MZF1: variants seen among roughly 807,000 people sequenced by gnomAD.
MZF1 encodes the protein myeloid zinc finger 1.
In MZF1, 24 loss-of-function variants were observed where a neutral mutation model predicts 28.6. That is an observed-to-expected ratio of 0.84 (90% CI 0.61 to 1.18). MZF1 has a LOEUF of 1.18. Ranked by LOEUF, MZF1 falls within the 50% of genes most tolerant of loss-of-function variation. MZF1 has a pLI of 0.00. For synonymous variants in MZF1, 516 were observed against 432.5 expected (o/e 1.19, Z -2.40); for missense variants, 1,166 against 1,026.4 (o/e 1.14, Z -1.86).
intron 5 of MZF1, among the ~76,000 whole-genome samples, chr19:58,565,678 G>A (rs916695929): frequency 1.3e-5 from 2 of 151,530 alleles, no homozygotes; most frequent in South Asian, 2.1e-4. Flanking sequence ...GACTACAGGC[G>A]CCCGCCACCA....
At chr19:58,569,688 G>C in intron 3 of MZF1, 102 bp from the exon 4 acceptor site, 1 of 1,074,150 alleles carries the variant, frequency 9.3e-7, no homozygotes, top group Non-Finnish European at 1.3e-6. Flanking sequence ...TGGGATTCTT[G>C]GTTGTGGGCT....
chr19:58,573,502 C>T (rs759664301), upstream of MZF1: 1 of 152,356 alleles, frequency 6.6e-6, no homozygotes, highest in Non-Finnish European at 1.5e-5. Context: ...CTTCCTAGAC[C>T]GCAAAATGGA....
rs2053968413 is a variant in MZF1, at chr19:58,563,139, C to T, written c.1138G>A (p.Gly380Ser). 6.2e-7 allele frequency: 1 copy of T among 1,609,026 alleles called. No individual in the cohort carries two copies. ...NLLRHQKIHT[G>S]ERPFVCSECG... The stretch of plus-strand genomic sequence containing the variant: ...TCGCTGCACACGAATGGTCGCTCAC[C>T]CGTGTGGATCTTCTGGTGCCTCAGC... The change falls in exon 6 of 6, where the codon GGT (glycine) becomes AGT (serine). Residue 380 changes from glycine (G) to serine (S), a missense_variant. By Grantham distance (56) the Gly-to-Ser change is moderately conservative. Coordinates refer to ENST00000215057, the MANE Select transcript of MZF1 (RefSeq NM_198055.2).
rs1385548824 is a variant in MZF1, at chr19:58,562,322, G to A, written c.1955C>T (p.Pro652Leu). ...CTGGCCGCACTCGGGGCAGGCGAAG[G>A]GCCGTTCGCCCGTGTGGATGCGCTG... ...EHQRIHTGER[P>L]FACPECGQSF... The change falls in exon 6 of 6, where the codon CCC becomes CTC. Residue 652 changes from proline (P) to leucine (L), a missense_variant. By Grantham distance (98) the Pro-to-Leu change is moderately conservative (BLOSUM62 -3). Coordinates refer to ENST00000215057, the MANE Select transcript of MZF1 (RefSeq NM_198055.2). 1 of 1,609,876 alleles carries A rather than the reference G, an allele frequency of 6.2e-7. No individual in the cohort carries two copies. The highest frequency in any genetic ancestry group is 1.3e-5 in the African/African-American group (1 of 74,746).
At chr19:58,567,571 C>G (rs1241519166) in intron 5 of MZF1, among the ~76,000 whole-genome samples, 3 of 152,200 alleles carry the variant, frequency 2.0e-5, no homozygotes, top group African/African-American at 7.2e-5. Flanking sequence ...ACGAAACATG[C>G]TTGGAGGAAG....
At chr19:58,564,487 G>T (rs185269744) in intron 5 of MZF1, 9 of 152,316 alleles carry the variant, frequency 5.9e-5, no homozygotes, top group African/African-American at 1.9e-4. Flanking sequence ...GACAGGAAAT[G>T]TAGCTAATGC....
intron 1 of MZF1, among the ~76,000 whole-genome samples, chr19:58,572,127 G>A (rs1049668600): frequency 2.0e-5 from 3 of 152,096 alleles, no homozygotes; most frequent in African/African-American, 7.2e-5. Flanking sequence ...CATCACTGCT[G>A]GCGTCTCCCC....
At position 58,573,121 on chromosome 19, in the gene MZF1, G is replaced by C. The variant is rs1193152015; in HGVS notation, c.-107C>G. ...AGTCTTCGACTTCCCCCTCCCGCTG[G>C]ACTACGTCTCCCAGGATGCTCCGCG... On this transcript the variant is annotated 5_prime_UTR_variant, in exon 1 of 6. Coordinates refer to ENST00000215057, the MANE Select transcript of MZF1 (RefSeq NM_198055.2). The C allele has an allele frequency of 6.5e-6, 1 of 154,632 alleles. No individual in the cohort carries two copies. The highest frequency in any genetic ancestry group is 2.4e-5 in the African/African-American group (1 of 41,420). The allele number at this position is 154,632 out of a possible 1,614,324, so 9.6% of individuals were successfully genotyped here. A position where few individuals can be genotyped will look rare whatever the true frequency, so the allele number is the denominator to read the frequency against.
Position 58,562,063 on chromosome 19 carries a change from C to T in MZF1, c.*9G>A. 6.4e-7 allele frequency: 1 copy of T among 1,551,000 alleles called. No individual in the cohort carries two copies. The highest frequency in any genetic ancestry group is 1.4e-5 in the African/African-American group (1 of 73,428). On this transcript the variant is annotated 3_prime_UTR_variant, in exon 6 of 6. Coordinates refer to ENST00000215057, the MANE Select transcript of MZF1 (RefSeq NM_198055.2). The stretch of plus-strand genomic sequence containing the variant: ...TGACCATGGCGGACACAGTGCGTCC[C>T]GGCTGGAGCTACTCGGCGCTGTGGA...
At chr19:58,564,902 G>GGTTTTTTTTTTTTTTTTTTTTTTTTTTT (rs1872485914) in intron 5 of MZF1, among the ~76,000 whole-genome samples, 1 of 41,954 alleles carries the variant, frequency 2.4e-5, no homozygotes. Flanking sequence ...CCATGTGTGT[G>GGTTTTTTTTTTTTTTTTTTTTTTTTTTT]TTTTTTTTTT....
intron 5 of MZF1, 117 bp from the exon 6 acceptor site, chr19:58,563,621 C>T (rs1476352846): frequency 3.7e-6 from 3 of 801,430 alleles, no homozygotes; most frequent in Admixed American, 2.9e-5. Flanking sequence ...AAGAGGCAGA[C>T]GGAGGCGACA....
In MZF1 at chr19:58,561,939, C is replaced by T. The variant is rs928443050; in HGVS notation, c.*133G>A. On this transcript the variant is annotated 3_prime_UTR_variant, in exon 6 of 6. Transcript: ENST00000215057. ...GAGTGGGTGGAGACCCAGTTTCCAT[C>T]TACTGTTTATTGGACACCTACAGTA... 1 of 910,920 alleles carries T rather than the reference C, an allele frequency of 1.1e-6. No individual in the cohort carries two copies. The highest frequency in any genetic ancestry group is 1.6e-6 in the Non-Finnish European group (1 of 614,190). The allele number at this position is 910,920 out of a possible 1,614,324, so 56.4% of individuals were successfully genotyped here.
chr19:58,569,237 A>C lies in MZF1; in HGVS notation c.772+40T>G, dbSNP rs764120229. The C allele has an allele frequency of 1.6e-5, 24 of 1,542,720 alleles. No homozygotes were observed. The East Asian group carries it at 4.8e-4, about 31-fold the overall frequency. Reference sequence around the variant, plus strand: ...GGGGTCGGCAGAGATGGTGCTGTCCATGCGGAAGGCCTAGTCCCACCACAC... The same window carrying C: ...GGGGTCGGCAGAGATGGTGCTGTCCCTGCGGAAGGCCTAGTCCCACCACAC... On this transcript the variant is annotated intron_variant, in intron 5 of 5. Coordinates refer to ENST00000215057, the MANE Select transcript of MZF1 (RefSeq NM_198055.2).
chr19:58,570,598 T>TG, intron 2 of MZF1, 71 bp from the exon 3 acceptor site: 1 of 1,498,394 alleles, frequency 6.7e-7, no homozygotes, highest in Non-Finnish European at 9.0e-7. Flanking sequence ...GGTTTGTGGG[T>TG]GCCCATCCCA....
chr19:58,571,264 A>C lies in MZF1; in HGVS notation c.126T>G (p.Ala42=). ...EAALWDPGPE[A]ARLRFRCFRY... The stretch of plus-strand genomic sequence containing the variant: ...GGAAGCACCGGAAACGCAGGCGTGC[A>C]GCTTCAGGGCCTGGGTCCCATAAGG... The change falls in exon 2 of 6, where the codon GCT becomes GCG. Residue 42 remains alanine, a synonymous_variant. Coordinates refer to ENST00000215057, the MANE Select transcript of MZF1 (RefSeq NM_198055.2). 6.2e-7 allele frequency: 1 copy of C among 1,613,390 alleles called. No homozygotes were observed. The highest frequency in any genetic ancestry group is 8.5e-7 in the Non-Finnish European group (1 of 1,179,650).
In MZF1 at chr19:58,571,125, G is replaced by C; in HGVS notation, c.265C>G (p.Leu89Val). ...GGCAGTGCGCCCAGGAACTGCTCCA[G>C]CACCAACAGCTCCAGCATCTGCTCC... is the stretch of plus-strand genomic sequence containing the variant. ...SKEQMLELLVLEQFLGALPPE... is the reference protein window; with the variant it reads ...SKEQMLELLVVEQFLGALPPE... The change falls in exon 2 of 6, where the codon CTG becomes GTG. Residue 89 changes from leucine to valine, a missense_variant. By Grantham distance (32) the Leu-to-Val change is conservative. Transcript: ENST00000215057. 1 of 1,614,064 alleles carries C rather than the reference G, an allele frequency of 6.2e-7. No individual in the cohort carries two copies. The highest frequency in any genetic ancestry group is 8.5e-7 in the Non-Finnish European group (1 of 1,180,026).
rs1429295811 is a variant in MZF1, at chr19:58,562,350, G to A, written c.1927C>T (p.His643Tyr). The A allele has an allele frequency of 5.6e-6, 9 of 1,609,988 alleles. No individual in the cohort carries two copies. The highest frequency in any genetic ancestry group is 4.0e-5 in the African/African-American group (3 of 74,692). The change falls in exon 6 of 6, where the codon CAC becomes TAC. Residue 643 changes from histidine (H) to tyrosine (Y), a missense_variant. Coordinates refer to ENST00000215057, the MANE Select transcript of MZF1 (RefSeq NM_198055.2). Reference protein sequence around the residue: ...GFTQVSRLTEHQRIHTGERPF... With the variant: ...GFTQVSRLTEYQRIHTGERPF... ...CGTTCGCCCGTGTGGATGCGCTGGTGCTCGGTGAGCCGCGAGACCTGCGTG... is the reference window on the plus strand; with the variant it reads ...CGTTCGCCCGTGTGGATGCGCTGGTACTCGGTGAGCCGCGAGACCTGCGTG...
At position 58,563,102 on chromosome 19, in the gene MZF1, C is replaced by T. The variant is rs2053967411; in HGVS notation, c.1175G>A (p.Ser392Asn). Reference sequence around the variant, plus strand: ...CAGCAGGTGCGAGCTGCGGCTGAAGCTGCGGCCGCACTCGCTGCACACGAA... The same window carrying T: ...CAGCAGGTGCGAGCTGCGGCTGAAGTTGCGGCCGCACTCGCTGCACACGAA... ...RPFVCSECGR[S>N]FSRSSHLLRH... Residue 392 changes from serine to asparagine, a missense_variant, in exon 6 of 6, where the codon AGC (serine) becomes AAC (asparagine). By Grantham distance (46) the Ser-to-Asn change is conservative (BLOSUM62 1). Coordinates refer to ENST00000215057, the MANE Select transcript of MZF1 (RefSeq NM_198055.2). The T allele has an allele frequency of 6.2e-7, 1 of 1,605,700 alleles. No homozygotes were observed. The highest frequency in any genetic ancestry group is 1.3e-5 in the African/African-American group (1 of 75,046).
intron 5 of MZF1, among the ~76,000 whole-genome samples, chr19:58,564,900 GTGTTTTTTTTTTTTTTTTTT>G (rs1400314735): frequency 7.2e-5 from 5 of 69,354 alleles, no homozygotes; most frequent in African/African-American, 3.6e-4. Flanking sequence ...ATCCATGTGT[GTGTTTTTTTTTTTTTTTTTT>G]TTTTTTTTTT....
Sources: allele counts gnomAD v4.1 joint callset (sites outside exome capture counted in the v4.1 genomes callset), GRCh38; gene constraint gnomAD v4.1.1; transcripts MANE v1.5; gene names NCBI Gene and HGNC (gene_info 2026-07-23, HGNC 2026-07-21).